Variants in FRS2 observed in about 807,000 individuals in gnomAD.
FRS2 encodes fibroblast growth factor receptor substrate 2, also known as FGFR signalling adaptor.
FRS2 carries 8 observed loss-of-function variants against 43.9 expected under a neutral mutation model. The ratio of observed to expected loss-of-function variants is 0.18; its 90% CI spans 0.11 to 0.33. The LOEUF (loss-of-function observed/expected upper bound fraction) is 0.33. Among genes scored for constraint, FRS2 ranks in the 10% least tolerant of loss-of-function variants. The pLI is 1.00. For synonymous variants in FRS2, 219 were observed against 220.3 expected (o/e 0.99, Z 0.05); for missense variants, 534 against 627.6 (o/e 0.85, Z 1.59).
intron 3 of FRS2, among the ~76,000 whole-genome samples, chr12:69,541,656 C>A (rs1796800000): frequency 6.6e-6 from 1 of 151,746 alleles, no homozygotes; most frequent in South Asian, 2.1e-4. Flanking sequence ...GAAACTCCTT[C>A]ACTATTAAAA....
chr12:69,538,770 T>C (rs1877586803), intron 3 of FRS2, among the ~76,000 whole-genome samples: 1 of 152,198 alleles, frequency 6.6e-6, no homozygotes, highest in East Asian at 1.9e-4. Flanking sequence ...CCTTATATTA[T>C]TCAGATGCAT....
intron 1 of FRS2, among the ~76,000 whole-genome samples, chr12:69,510,428 A>G (rs992819321): frequency 6.6e-6 from 1 of 152,164 alleles, no homozygotes; most frequent in Non-Finnish European, 1.5e-5. Context: ...ACTGTTTTCA[A>G]GGTTTGAAAA....
At chr12:69,479,386 G>C (rs1035017094) in intron 1 of FRS2, among the ~76,000 whole-genome samples, 1 of 122,358 alleles carries the variant, frequency 8.2e-6, no homozygotes, top group South Asian at 2.7e-4. Flanking sequence ...TTAATCTGTT[G>C]TTTCTTTTTT....
Position 69,506,800 on chromosome 12 carries a change from A to C in FRS2, c.-260-24065A>C, listed in dbSNP as rs537785957. Among the ~76,000 whole-genome samples the C allele has an allele frequency of 2.6e-5, 4 of 152,328 alleles. No individual in the cohort carries two copies. The East Asian group carries it at 7.7e-4, about 29-fold the overall frequency. ...TTTGTCCCCTCCAAAACTCATGTTG[A>C]AACTTAATCCCCAATGTGGCAATAT... On this transcript the variant is annotated intron_variant, in intron 1 of 8. Transcript: ENST00000549921.
At chr12:69,556,714 T>G (rs1879387596) in intron 3 of FRS2, among the ~76,000 whole-genome samples, 1 of 152,230 alleles carries the variant, frequency 6.6e-6, no homozygotes. Context: ...GGGATTTTCT[T>G]ACGTGTCTTT....
chr12:69,514,016 A>G (rs1237793460), intron 1 of FRS2, among the ~76,000 whole-genome samples: 4 of 152,182 alleles, frequency 2.6e-5, no homozygotes, highest in African/African-American at 9.7e-5. Flanking sequence ...AAAGCAAACA[A>G]TACTTTTTGA....
At chr12:69,509,256 G>T (rs932463362) in intron 1 of FRS2, among the ~76,000 whole-genome samples, 20 of 152,076 alleles carry the variant, frequency 1.3e-4, no homozygotes, top group African/African-American at 4.8e-4. Flanking sequence ...CTCCAGAGAT[G>T]CATCTCCAGA....
chr12:69,552,660 T>C (rs1242343310), intron 3 of FRS2, among the ~76,000 whole-genome samples: 3 of 152,056 alleles, frequency 2.0e-5, no homozygotes. Context: ...TATGGGAGGC[T>C]GAGGTGGGCA....
At chr12:69,475,068 A>G (rs961173824) in intron 1 of FRS2, among the ~76,000 whole-genome samples, 1 of 152,202 alleles carries the variant, frequency 6.6e-6, no homozygotes, top group Non-Finnish European at 1.5e-5. Context: ...TTTATTTTGG[A>G]AACTGTTTAA....
At chr12:69,519,872 A>G (rs189877733) in intron 1 of FRS2, among the ~76,000 whole-genome samples, 1 of 152,334 alleles carries the variant, frequency 6.6e-6, no homozygotes, top group East Asian at 1.9e-4. Context: ...GTGATCATAT[A>G]TGTGCGTATG....
chr12:69,565,356 C>T (rs559072157), intron 4 of FRS2, among the ~76,000 whole-genome samples: 2 of 152,272 alleles, frequency 1.3e-5, no homozygotes, highest in African/African-American at 4.8e-5. Context: ...AGAATGTTAT[C>T]GTACACTACT....
intron 1 of FRS2, among the ~76,000 whole-genome samples, chr12:69,471,340 AG>A (rs1311602602): frequency 3.3e-5 from 5 of 151,948 alleles, no homozygotes; most frequent in Non-Finnish European, 1.5e-5. Context: ...TTGTATGATG[AG>A]TTCATTCAGA....
At chr12:69,477,775 C>G (rs956127683) in intron 1 of FRS2, among the ~76,000 whole-genome samples, 4 of 149,146 alleles carry the variant, frequency 2.7e-5, no homozygotes, top group Non-Finnish European at 4.4e-5. Context: ...GAGTCTCGCT[C>G]TGTTGCCCAG....
intron 3 of FRS2, among the ~76,000 whole-genome samples, chr12:69,549,436 G>GA (rs34764864): frequency 1.3e-5 from 2 of 151,670 alleles, no homozygotes; most frequent in Non-Finnish European, 2.9e-5. Context: ...TATTTCAATT[G>GA]AAAAAAAAGC....
intron 3 of FRS2, among the ~76,000 whole-genome samples, chr12:69,548,856 CAG>C (rs1272459042): frequency 6.6e-6 from 1 of 152,176 alleles, no homozygotes; most frequent in Non-Finnish European, 1.5e-5. Flanking sequence ...AGCTGCCTAA[CAG>C]GGGCCATTAC....
At chr12:69,524,917 T>C (rs149715100) in intron 1 of FRS2, among the ~76,000 whole-genome samples, 1 of 152,262 alleles carries the variant, frequency 6.6e-6, no homozygotes, top group Non-Finnish European at 1.5e-5. Context: ...CAGGAATCAC[T>C]GGGGGCCAGG....
At chr12:69,478,473 C>T (rs1057190992) in intron 1 of FRS2, among the ~76,000 whole-genome samples, 1 of 152,038 alleles carries the variant, frequency 6.6e-6, no homozygotes, top group Admixed American at 6.6e-5. Flanking sequence ...TAGTGCAGCT[C>T]TATAAGGTTA....
In FRS2 at chr12:69,575,063, A is replaced by T. The variant is rs1881097003; in HGVS notation, c.*108A>T. On this transcript the variant is annotated 3_prime_UTR_variant, in exon 9 of 9. Coordinates refer to ENST00000549921, the MANE Select transcript of FRS2 (RefSeq NM_001278356.2). ...CTAACTCCTTTTATAGACTGATAAA[A>T]TTTTTTTCTGAATATTTCATGTGCA... 2 of 714,738 alleles carry T rather than the reference A, an allele frequency of 2.8e-6. No individual in the cohort carries two copies. Among genetic ancestry groups the T allele is most frequent in the Middle Eastern group, 3.2e-4 (1 of 3,132 alleles). 44.3% of individuals were successfully genotyped at this position (714,738 alleles called of 1,614,324 possible). A position where few individuals can be genotyped will look rare whatever the true frequency, so the allele number is the denominator to read the frequency against.
At chr12:69,565,724 G>C (rs1851029456) in intron 4 of FRS2, among the ~76,000 whole-genome samples, 1 of 152,086 alleles carries the variant, frequency 6.6e-6, no homozygotes, top group African/African-American at 2.4e-5. Context: ...CCACTGGAAA[G>C]TCTTCAGGGG....
Sources: gnomAD v4.1 joint callset for allele counts (sites outside exome capture counted in the v4.1 genomes callset) on GRCh38, gnomAD v4.1.1 for gene constraint, MANE v1.5 for transcripts, NCBI Gene and HGNC (gene_info 2026-07-23, HGNC 2026-07-21) for gene names.